GRM8: variants seen among roughly 807,000 people sequenced by gnomAD.
GRM8 encodes the protein metabotropic glutamate receptor 8.
In GRM8, 47 loss-of-function variants were observed where a neutral mutation model predicts 87.2. That is an observed-to-expected ratio of 0.54 (90% CI 0.43 to 0.69). The LOEUF is 0.69. Among genes scored for constraint, GRM8 ranks in the 30% least tolerant of loss-of-function variants. GRM8 has a pLI of 0.00. For synonymous variants in GRM8, 396 were observed against 404.5 expected, an observed-to-expected ratio of 0.98 and a Z score of 0.25; for missense variants, 1,019 against 1,139.2, an observed-to-expected ratio of 0.89 and a Z score of 1.52.
chr7:126,759,601 T>C (rs1290297190), intron 7 of GRM8, among the ~76,000 whole-genome samples: 2 of 152,166 alleles, frequency 1.3e-5, no homozygotes, highest in Non-Finnish European at 2.9e-5. Context: ...GTTGGTGCTG[T>C]GGCAGAAGCA....
At chr7:126,787,562 T>A (rs1421965208) in intron 6 of GRM8, among the ~76,000 whole-genome samples, 1 of 152,196 alleles carries the variant, frequency 6.6e-6, no homozygotes, top group African/African-American at 2.4e-5. Context: ...TATTATTAAA[T>A]CAATTCTTTC....
intron 2 of GRM8, among the ~76,000 whole-genome samples, chr7:127,238,295 T>C (rs555363809): frequency 6.9e-6 from 1 of 144,516 alleles, no homozygotes; most frequent in Non-Finnish European, 1.5e-5. Context: ...TGATATACGA[T>C]GTGTGTGTGC....
At chr7:126,515,043 G>A (rs535717781) in intron 9 of GRM8, among the ~76,000 whole-genome samples, 4 of 151,980 alleles carry the variant, frequency 2.6e-5, no homozygotes, top group Non-Finnish European at 4.4e-5. Context: ...TTTATCACAC[G>A]AGTATCTGAT....
chr7:127,160,290 A>G, intron 2 of GRM8, among the ~76,000 whole-genome samples: 1 of 152,262 alleles, frequency 6.6e-6, no homozygotes, highest in African/African-American at 2.4e-5. Flanking sequence ...TGCCAACGGG[A>G]CTTGCAGGGT....
At chr7:126,505,871 C>T (rs1810387558) in intron 9 of GRM8, among the ~76,000 whole-genome samples, 1 of 151,964 alleles carries the variant, frequency 6.6e-6, no homozygotes, top group Admixed American at 6.6e-5. Flanking sequence ...AAGATCTACG[C>T]TCTTAGAAAA....
At chr7:126,756,420 G>C (rs1817013106) in intron 7 of GRM8, among the ~76,000 whole-genome samples, 1 of 151,964 alleles carries the variant, frequency 6.6e-6, no homozygotes, top group African/African-American at 2.4e-5. Flanking sequence ...TTGATAAGCT[G>C]GGCTTCATTA....
chr7:127,210,123 A>G (rs1438070170), intron 2 of GRM8, among the ~76,000 whole-genome samples: 1 of 152,214 alleles, frequency 6.6e-6, no homozygotes, highest in Non-Finnish European at 1.5e-5. Context: ...AGATAGGCAG[A>G]ATTCTTTTCC....
chr7:126,908,431 A>G (rs1407464902), intron 3 of GRM8, among the ~76,000 whole-genome samples: 1 of 152,232 alleles, frequency 6.6e-6, no homozygotes, highest in Non-Finnish European at 1.5e-5. Context: ...AACATGAAGT[A>G]ACACTCTATA....
intron 6 of GRM8, among the ~76,000 whole-genome samples, chr7:126,861,109 CA>C (rs1390278572): frequency 6.6e-6 from 1 of 152,064 alleles, no homozygotes; most frequent in East Asian, 1.9e-4. Flanking sequence ...CATGTACCAC[CA>C]AAAATTAATT....
chr7:127,064,539 G>T (rs1020786404), intron 3 of GRM8, among the ~76,000 whole-genome samples: 1 of 152,114 alleles, frequency 6.6e-6, no homozygotes, highest in Admixed American at 6.6e-5. Flanking sequence ...GTTTCTTGAA[G>T]ACAGCATACC....
intron 6 of GRM8, among the ~76,000 whole-genome samples, chr7:126,884,217 T>C (rs1397083561): frequency 6.6e-6 from 1 of 151,856 alleles, no homozygotes; most frequent in Non-Finnish European, 1.5e-5. Context: ...TAGGAACATC[T>C]CCTTAAAAGA....
chr7:126,916,539 G>A (rs1483606694), intron 3 of GRM8, among the ~76,000 whole-genome samples: 1 of 152,186 alleles, frequency 6.6e-6, no homozygotes. Flanking sequence ...TATATCAACA[G>A]CAGCTATGAG....
At chr7:126,644,664 C>T (rs922389353) in intron 7 of GRM8, among the ~76,000 whole-genome samples, 4 of 152,158 alleles carry the variant, frequency 2.6e-5, no homozygotes, top group Admixed American at 1.3e-4. Flanking sequence ...TTTCCAAATG[C>T]TTTCTAATTC....
intron 3 of GRM8, among the ~76,000 whole-genome samples, chr7:127,075,135 G>T (rs1466962886): frequency 2.0e-5 from 3 of 152,190 alleles, no homozygotes; most frequent in Non-Finnish European, 4.4e-5. Flanking sequence ...AAGAAATGCT[G>T]TCCATAGTTA....
At chr7:126,605,861 A>G (rs1030923356) in intron 8 of GRM8, among the ~76,000 whole-genome samples, 1 of 152,066 alleles carries the variant, frequency 6.6e-6, no homozygotes, top group Non-Finnish European at 1.5e-5. Flanking sequence ...GCAAACCCAT[A>G]TATATATACC....
chr7:126,876,344 C>T (rs1381561018), intron 6 of GRM8, among the ~76,000 whole-genome samples: 1 of 152,138 alleles, frequency 6.6e-6, no homozygotes, highest in Non-Finnish European at 1.5e-5. Context: ...CTAAGAATCG[C>T]TCAGGTGCTA....
chr7:127,152,620 T>A (rs1194037233), intron 2 of GRM8, among the ~76,000 whole-genome samples: 3 of 152,120 alleles, frequency 2.0e-5, no homozygotes, highest in African/African-American at 7.2e-5. Context: ...CAATAATTGA[T>A]CCCAGGGGAA....
In GRM8 at chr7:127,165,469, G is replaced by A. The variant is rs564887285; in HGVS notation, c.511-58757C>T. Among the ~76,000 whole-genome samples the A allele has an allele frequency of 7.9e-5, 12 of 151,924 alleles. No individual in the cohort carries two copies. The South Asian group carries it at 2.3e-3, about 29-fold the overall frequency. On this transcript the variant is annotated intron_variant, in intron 2 of 10. Transcript: ENST00000339582. Reference sequence around the variant, plus strand: ...CCCAACCTGGGTTGGCAGACTCATCGGTGGACAAGTTCACATCGTAAACCT... The same window carrying A: ...CCCAACCTGGGTTGGCAGACTCATCAGTGGACAAGTTCACATCGTAAACCT...
chr7:126,815,759 T>G (rs563718735), intron 6 of GRM8, among the ~76,000 whole-genome samples: 26 of 152,256 alleles, frequency 1.7e-4, no homozygotes, highest in Admixed American at 1.3e-3. Context: ...TATTCTTCTT[T>G]TTGTCATAGT....
Sources: allele counts gnomAD v4.1 joint callset (sites outside exome capture counted in the v4.1 genomes callset), GRCh38; gene constraint gnomAD v4.1.1; transcripts MANE v1.5; gene names NCBI Gene and HGNC (gene_info 2026-07-23, HGNC 2026-07-21).